Variants in GNA14 observed in about 807,000 individuals in gnomAD.
The protein encoded by GNA14 is guanine nucleotide-binding protein subunit alpha-14.
Under a neutral mutation model 42.0 loss-of-function variants are expected in GNA14, and 50 were observed. That is an observed-to-expected ratio of 1.19 (90% CI 0.95 to 1.51). GNA14 has a LOEUF of 1.51. Among genes scored for constraint, GNA14 ranks in the 40% most tolerant of loss-of-function variants. The pLI is 0.00. For synonymous variants in GNA14, 173 were observed against 163.1 expected (o/e 1.06, Z -0.46); for missense variants, 473 against 446.2 (o/e 1.06, Z -0.54).
intron 4 of GNA14, among the ~76,000 whole-genome samples, chr9:77,430,923 T>TA (rs1835539494): frequency 6.6e-6 from 1 of 152,120 alleles, no homozygotes; most frequent in South Asian, 2.1e-4. Flanking sequence ...TAAGGATAAA[T>TA]CTTGGAGAAG....
At chr9:77,562,550 T>C (rs1822900481) in intron 1 of GNA14, among the ~76,000 whole-genome samples, 1 of 152,130 alleles carries the variant, frequency 6.6e-6, no homozygotes, top group African/African-American at 2.4e-5. Flanking sequence ...GTAATCTATG[T>C]GGTAAAGAGG....
chr9:77,618,600 ATATATATATATATATATATATTTTTTT>A (rs1823863164), intron 1 of GNA14, among the ~76,000 whole-genome samples: 2 of 13,418 alleles, frequency 1.5e-4, no homozygotes, highest in African/African-American at 4.1e-4. Flanking sequence ...ATATATATAT[ATATATATATATATATATATATTTTTTT>A]TTTTTTTTTT....
At chr9:77,613,611 G>C (rs866204361) in intron 1 of GNA14, among the ~76,000 whole-genome samples, 3 of 152,190 alleles carry the variant, frequency 2.0e-5, no homozygotes, top group African/African-American at 7.2e-5. Flanking sequence ...CCTTGATGGT[G>C]ATAATGGTTA....
chr9:77,462,981 T>C (rs1390017830), intron 2 of GNA14, among the ~76,000 whole-genome samples: 2 of 152,116 alleles, frequency 1.3e-5, no homozygotes, highest in Non-Finnish European at 2.9e-5. Context: ...TTCTCTCTTC[T>C]AAGATGTCTC....
chr9:77,583,350 A>T (rs1055867635), intron 1 of GNA14, among the ~76,000 whole-genome samples: 1 of 152,206 alleles, frequency 6.6e-6, no homozygotes, highest in Non-Finnish European at 1.5e-5. Flanking sequence ...AATAGCAAGC[A>T]GCTGGGAAAT....
chr9:77,497,705 T>G (rs1278058525), intron 2 of GNA14, among the ~76,000 whole-genome samples: 4 of 147,840 alleles, frequency 2.7e-5, no homozygotes, highest in Admixed American at 6.6e-5. Flanking sequence ...ATTTATGAGC[T>G]AACATATTTA....
chr9:77,563,159 AAAACCAAATGAG>A (rs1316508777), intron 1 of GNA14, among the ~76,000 whole-genome samples: 1 of 152,210 alleles, frequency 6.6e-6, no homozygotes, highest in Non-Finnish European at 1.5e-5. Flanking sequence ...CCCAGGAGCT[AAAACCAAATGAG>A]AAAGAGATTC....
intron 1 of GNA14, among the ~76,000 whole-genome samples, chr9:77,624,585 A>G (rs564359356): frequency 1.3e-5 from 2 of 152,286 alleles, no homozygotes; most frequent in African/African-American, 2.4e-5. Context: ...AGAAGCTGCA[A>G]TCTTTGATGT....
rs79854895 is a variant in GNA14, at chr9:77,564,134, T to C, written c.125-34881A>G. ...CCACCGGATCCTTATCAAATTCTCT[T>C]TGGGAGTCTACTGGTAATTGTTTGA... On this transcript the variant is annotated intron_variant, in intron 1 of 6. Transcript: ENST00000341700. Among the ~76,000 whole-genome samples the C allele has an allele frequency of 4.4e-3, 674 of 152,216 alleles. 6 individuals are homozygous for C. Among genetic ancestry groups the C allele is most frequent in the African/African-American group, 0.015 (642 of 41,538 alleles).
At chr9:77,538,124 G>T (rs75387512) in intron 1 of GNA14, among the ~76,000 whole-genome samples, 3 of 149,668 alleles carry the variant, frequency 2.0e-5, no homozygotes, top group African/African-American at 4.9e-5. Context: ...AGCCCAGAGT[G>T]CAGAGGTACA....
At chr9:77,557,261 A>C (rs759121449) in intron 1 of GNA14, among the ~76,000 whole-genome samples, 1 of 152,208 alleles carries the variant, frequency 6.6e-6, no homozygotes, top group Non-Finnish European at 1.5e-5. Context: ...AGGAAAATGG[A>C]AAGAAAAAGA....
chr9:77,466,978 G>A (rs1054139369), intron 2 of GNA14, among the ~76,000 whole-genome samples: 1 of 148,734 alleles, frequency 6.7e-6, no homozygotes, highest in Non-Finnish European at 1.5e-5. Flanking sequence ...GCCAGTTAGG[G>A]TTTTTTTGCC....
At chr9:77,461,413 C>T (rs919856023) in intron 2 of GNA14, among the ~76,000 whole-genome samples, 1 of 152,190 alleles carries the variant, frequency 6.6e-6, no homozygotes, top group African/African-American at 2.4e-5. Context: ...CTTAAAACAT[C>T]CCTCTAGAAC....
At chr9:77,489,489 A>C (rs1450925000) in intron 2 of GNA14, among the ~76,000 whole-genome samples, 1 of 152,266 alleles carries the variant, frequency 6.6e-6, no homozygotes, top group Non-Finnish European at 1.5e-5. Context: ...AACTTTCAAA[A>C]GCAAAGGACA....
chr9:77,508,162 C>G (rs1304916339), intron 2 of GNA14, among the ~76,000 whole-genome samples: 2 of 152,194 alleles, frequency 1.3e-5, no homozygotes, highest in Admixed American at 1.3e-4. Context: ...GTCACTACTT[C>G]CACCATTGCC....
At position 77,586,976 on chromosome 9, in the gene GNA14, G is replaced by T. The variant is rs1052858512; in HGVS notation, c.125-57723C>A. On this transcript the variant is annotated intron_variant, in intron 1 of 6. Transcript: ENST00000341700. Reference sequence around the variant, plus strand: ...GTCTGCAGCTCGATTTTACAGGCTGGTTTTTTTTTTTTTTTTAATAGAAAA... The same window carrying T: ...GTCTGCAGCTCGATTTTACAGGCTGTTTTTTTTTTTTTTTTTAATAGAAAA... Among the ~76,000 whole-genome samples, 45 of 143,012 alleles carry T rather than the reference G, an allele frequency of 3.1e-4. 1 individual carries two copies. Among genetic ancestry groups the T allele is most frequent in the Non-Finnish European group, 2.4e-4 (16 of 65,482 alleles). The allele number at this position is 143,012 out of a possible 152,430, so 93.8% of individuals were successfully genotyped here. A position where few individuals can be genotyped will look rare whatever the true frequency, so the allele number is the denominator to read the frequency against.
chr9:77,488,784 TAAAAAAAA>T (rs67416479), intron 2 of GNA14, among the ~76,000 whole-genome samples: 9 of 53,684 alleles, frequency 1.7e-4, no homozygotes, highest in Non-Finnish European at 2.6e-4. Context: ...CACACCTAAT[TAAAAAAAA>T]AAAAAAAAAA....
intron 1 of GNA14, among the ~76,000 whole-genome samples, chr9:77,618,947 A>G (rs1587850191): frequency 6.6e-6 from 1 of 151,882 alleles, no homozygotes; most frequent in East Asian, 1.9e-4. Context: ...ATATATTTAA[A>G]TAATATACTT....
At chr9:77,601,961 C>A (rs910940497) in intron 1 of GNA14, among the ~76,000 whole-genome samples, 1 of 152,226 alleles carries the variant, frequency 6.6e-6, no homozygotes, top group African/African-American at 2.4e-5. Context: ...AACCTAATCT[C>A]CAGACAGACT....
Sources: allele counts gnomAD v4.1 joint callset (sites outside exome capture counted in the v4.1 genomes callset), GRCh38; gene constraint gnomAD v4.1.1; transcripts MANE v1.5; gene names NCBI Gene and HGNC (gene_info 2026-07-23, HGNC 2026-07-21).